Variants in XKR4 observed in about 807,000 individuals in gnomAD.
XKR4 encodes the protein XK related 4, also known as XK-related protein 4.
XKR4 carries 12 observed loss-of-function variants against 53.9 expected under a neutral mutation model. That is an observed-to-expected ratio of 0.22 (90% CI 0.14 to 0.36). The LOEUF (loss-of-function observed/expected upper bound fraction) is 0.36. XKR4 is among the 10% of genes least tolerant of loss of function. XKR4 has a pLI of 1.00. For missense variants in XKR4, 799 were observed against 859.5 expected (o/e 0.93, Z 0.88); for synonymous variants, 354 against 362.4 (o/e 0.98, Z 0.26).
At chr8:55,165,714 A>G (rs1316129480) in intron 1 of XKR4, among the ~76,000 whole-genome samples, 3 of 151,210 alleles carry the variant, frequency 2.0e-5, no homozygotes, top group African/African-American at 7.3e-5. Flanking sequence ...CTGAGGGAGG[A>G]GAATGGTGTG....
chr8:55,120,534 AC>A (rs1816376658), intron 1 of XKR4, among the ~76,000 whole-genome samples: 1 of 121,786 alleles, frequency 8.2e-6, no homozygotes, highest in African/African-American at 2.6e-5. Context: ...TACTTTTGAG[AC>A]CCCTGTCACC....
chr8:55,493,335 G>C (rs1806297392), intron 2 of XKR4, among the ~76,000 whole-genome samples: 1 of 152,182 alleles, frequency 6.6e-6, no homozygotes, highest in African/African-American at 2.4e-5. Flanking sequence ...GGTTTTGCTA[G>C]CTATTTCCTC....
intron 2 of XKR4, among the ~76,000 whole-genome samples, chr8:55,433,457 T>G (rs779159250): frequency 5.9e-5 from 9 of 152,360 alleles, no homozygotes; most frequent in Non-Finnish European, 8.8e-5. Flanking sequence ...TACTTTTTTA[T>G]ACTCTCATTT....
rs982848123 is a variant in XKR4 at position 55,540,444 on chromosome 8, C to A, written c.*16217C>A. 4.6e-5 allele frequency: 7 copies of A among 152,084 alleles called. No individual in the cohort carries two copies. Among genetic ancestry groups the A allele is most frequent in the South Asian group, 4.2e-4 (2 of 4,818 alleles). 9.4% of individuals were successfully genotyped at this position (152,084 alleles called of 1,614,324 possible). A position where few individuals can be genotyped will look rare whatever the true frequency, so the allele number is the denominator to read the frequency against. ...AAAAAATGCATCATTTGGTCAATTG[C>A]TTATTGAAGATCCCAGCTGAAGCCT... On this transcript the variant is annotated 3_prime_UTR_variant, in exon 3 of 3. Coordinates refer to ENST00000327381, the MANE Select transcript of XKR4 (RefSeq NM_052898.2).
intron 1 of XKR4, among the ~76,000 whole-genome samples, chr8:55,149,078 AT>A (rs1271672447): frequency 6.6e-6 from 1 of 152,136 alleles, no homozygotes; most frequent in Admixed American, 6.6e-5. Flanking sequence ...GCCCTATTTA[AT>A]CTTTGCCTAG....
At chr8:55,278,717 A>G (rs1240766869) in intron 1 of XKR4, among the ~76,000 whole-genome samples, 2 of 152,222 alleles carry the variant, frequency 1.3e-5, no homozygotes, top group African/African-American at 4.8e-5. Context: ...ATAACTCAAC[A>G]TCACAAAGTA....
chr8:55,314,473 C>T (rs1819435298), intron 1 of XKR4, among the ~76,000 whole-genome samples: 1 of 152,152 alleles, frequency 6.6e-6, no homozygotes, highest in Non-Finnish European at 1.5e-5. Context: ...TTTGTCCCGA[C>T]ATTCAGCTCC....
At chr8:55,163,562 T>C (rs1650967912) in intron 1 of XKR4, among the ~76,000 whole-genome samples, 1 of 152,196 alleles carries the variant, frequency 6.6e-6, no homozygotes, top group Admixed American at 6.5e-5. Context: ...TTATAAATAT[T>C]AGAATGGGCA....
chr8:55,122,297 T>C lies in XKR4; in HGVS notation c.806+19003T>C, dbSNP rs545217049. On this transcript the variant is annotated intron_variant, in intron 1 of 2. Coordinates refer to ENST00000327381, the MANE Select transcript of XKR4 (RefSeq NM_052898.2). ...AGTAGAAATGTCTTTTCATTTTGCA[T>C]AAAAATTTGTTTCATCTGTGTTCCC... is the stretch of plus-strand genomic sequence containing the variant. Among the ~76,000 whole-genome samples, 308 of 152,348 alleles carry C rather than the reference T, an allele frequency of 2.0e-3. 1 individual carries two copies. Among genetic ancestry groups the C allele is most frequent in the African/African-American group, 7.1e-3 (297 of 41,588 alleles).
intron 2 of XKR4, among the ~76,000 whole-genome samples, chr8:55,499,850 T>C (rs1267190327): frequency 6.6e-6 from 1 of 152,198 alleles, no homozygotes; most frequent in East Asian, 1.9e-4. Context: ...TCACTGTAAT[T>C]CAGGATGGAG....
chr8:55,235,981 G>A (rs906126485), intron 1 of XKR4, among the ~76,000 whole-genome samples: 1 of 152,172 alleles, frequency 6.6e-6, no homozygotes, highest in African/African-American at 2.4e-5. Context: ...TTGTTCAGAG[G>A]TGTCTTTATC....
chr8:55,370,395 T>C (rs891022640), intron 2 of XKR4, among the ~76,000 whole-genome samples: 1 of 152,212 alleles, frequency 6.6e-6, no homozygotes, highest in African/African-American at 2.4e-5. Flanking sequence ...TCTAATTTCT[T>C]CCCTTGTTAC....
At chr8:55,188,466 T>C (rs1290075436) in intron 1 of XKR4, among the ~76,000 whole-genome samples, 2 of 152,176 alleles carry the variant, frequency 1.3e-5, no homozygotes, top group East Asian at 3.9e-4. Context: ...AGCCAAATAG[T>C]AAGAATAAGA....
chr8:55,374,258 T>G (rs994455026), intron 2 of XKR4, among the ~76,000 whole-genome samples: 6 of 152,238 alleles, frequency 3.9e-5, no homozygotes, highest in African/African-American at 1.4e-4. Flanking sequence ...GGCGCTGACT[T>G]GAATACTAGA....
intron 1 of XKR4, among the ~76,000 whole-genome samples, chr8:55,352,258 A>C (rs1803735003): frequency 6.6e-6 from 1 of 152,230 alleles, no homozygotes; most frequent in Admixed American, 6.5e-5. Context: ...CAGCGTGATA[A>C]GGAATGTGTA....
rs78117925 is a variant in XKR4 at position 55,133,597 on chromosome 8, A to G, written c.806+30303A>G. On this transcript the variant is annotated intron_variant, in intron 1 of 2. Transcript: ENST00000327381. ...CTTGCAGTGGTTGATACTGGCGATT[A>G]CCAAGTAATAAGTTAACACTCCAGA... is the stretch of plus-strand genomic sequence containing the variant. 4.3e-3 allele frequency among the ~76,000 whole-genome samples: 662 copies of G among 152,338 alleles called. 9 individuals carry two copies. Among genetic ancestry groups the G allele is most frequent in the African/African-American group, 0.015 (635 of 41,582 alleles).
intron 1 of XKR4, among the ~76,000 whole-genome samples, chr8:55,221,953 T>C (rs1450021996): frequency 6.6e-6 from 1 of 152,182 alleles, no homozygotes; most frequent in African/African-American, 2.4e-5. Context: ...CTCTACTCTA[T>C]ATTTGTTGAA....
At chr8:55,377,170 C>T (rs2129386953) in intron 2 of XKR4, among the ~76,000 whole-genome samples, 1 of 152,322 alleles carries the variant, frequency 6.6e-6, no homozygotes, top group Non-Finnish European at 1.5e-5. Flanking sequence ...TCAATGGAAA[C>T]TTGAGTCAAA....
At chr8:55,303,712 T>C (rs200762001) in intron 1 of XKR4, among the ~76,000 whole-genome samples, 1 of 152,222 alleles carries the variant, frequency 6.6e-6, no homozygotes, top group East Asian at 1.9e-4. Context: ...AACTTCTTCC[T>C]GGTTTAGTCT....
Sources: gnomAD v4.1 joint callset for allele counts (sites outside exome capture counted in the v4.1 genomes callset) on GRCh38, gnomAD v4.1.1 for gene constraint, MANE v1.5 for transcripts, NCBI Gene and HGNC (gene_info 2026-07-23, HGNC 2026-07-21) for gene names.